The following LRP1B variants were observed in gnomAD, a reference collection of about 807,000 sequenced individuals.
LRP1B encodes the protein low-density lipoprotein receptor-related protein 1B.
Under a neutral mutation model 556.6 loss-of-function variants are expected in LRP1B, and 217 were observed. That is an observed-to-expected ratio of 0.39 (90% CI 0.35 to 0.44). The LOEUF (loss-of-function observed/expected upper bound fraction) is 0.44. Among genes scored for constraint, LRP1B ranks in the 20% least tolerant of loss-of-function variants. The pLI is 1.00. For synonymous variants in LRP1B, 2,047 were observed against 1,865.8 expected, an observed-to-expected ratio of 1.10 and a Z score of -2.50; for missense variants, 5,053 against 5,620.8, an observed-to-expected ratio of 0.90 and a Z score of 3.23.
chr2:140,250,462 G>A (rs1681362620), intron 86 of LRP1B, among the ~76,000 whole-genome samples: 1 of 150,874 alleles, frequency 6.6e-6, no homozygotes, highest in Non-Finnish European at 1.5e-5. Flanking sequence ...ACTGCTCTTA[G>A]CAGTTTCCTG....
At chr2:140,670,146 A>G (rs1240820478) in intron 41 of LRP1B, among the ~76,000 whole-genome samples, 1 of 152,198 alleles carries the variant, frequency 6.6e-6, no homozygotes, top group Non-Finnish European at 1.5e-5. Context: ...AATGCATAAC[A>G]TAGAAACAAG....
At chr2:141,618,239 A>T (rs1422944865) in intron 2 of LRP1B, among the ~76,000 whole-genome samples, 1 of 152,014 alleles carries the variant, frequency 6.6e-6, no homozygotes, top group Non-Finnish European at 1.5e-5. Context: ...ATTGGTGGTG[A>T]CAGTGATTAC....
intron 1 of LRP1B, among the ~76,000 whole-genome samples, chr2:142,047,235 A>G (rs1026251748): frequency 1.3e-5 from 2 of 152,010 alleles, no homozygotes; most frequent in Admixed American, 1.3e-4. Context: ...CTCATGGTAC[A>G]GCCAACACAC....
At chr2:141,199,845 G>C (rs923826442) in intron 6 of LRP1B, among the ~76,000 whole-genome samples, 1 of 152,040 alleles carries the variant, frequency 6.6e-6, no homozygotes, top group Non-Finnish European at 1.5e-5. Flanking sequence ...CTGACCACTG[G>C]AGAAATGCAA....
intron 7 of LRP1B, among the ~76,000 whole-genome samples, chr2:141,114,919 C>A (rs1347546395): frequency 6.6e-6 from 1 of 152,054 alleles, no homozygotes; most frequent in Non-Finnish European, 1.5e-5. Context: ...CATGCCAAAG[C>A]TCTCCTTGAT....
At chr2:141,279,913 T>A (rs144591176) in intron 3 of LRP1B, among the ~76,000 whole-genome samples, 298 of 152,104 alleles carry the variant, frequency 2.0e-3, no homozygotes, top group African/African-American at 6.7e-3. Flanking sequence ...CAATAGAAAA[T>A]CAGTTTCCAT....
intron 41 of LRP1B, among the ~76,000 whole-genome samples, chr2:140,650,081 T>C (rs950256999): frequency 1.3e-5 from 2 of 152,010 alleles, no homozygotes; most frequent in Admixed American, 6.6e-5. Flanking sequence ...ATTCTAAAAG[T>C]AAGCTACACG....
chr2:141,935,365 AGT>A (rs1227242132), intron 1 of LRP1B, among the ~76,000 whole-genome samples: 1 of 152,180 alleles, frequency 6.6e-6, no homozygotes, highest in African/African-American at 2.4e-5. Flanking sequence ...TTATACAGTT[AGT>A]GTTTTAAGTT....
chr2:141,857,198 C>A (rs1248502167), intron 1 of LRP1B, among the ~76,000 whole-genome samples: 1 of 152,062 alleles, frequency 6.6e-6, no homozygotes, highest in African/African-American at 2.4e-5. Context: ...TTCATTATTT[C>A]TTCTTTTTTA....
At chr2:141,173,332 T>C (rs1219738492) in intron 7 of LRP1B, among the ~76,000 whole-genome samples, 1 of 152,108 alleles carries the variant, frequency 6.6e-6, no homozygotes, top group African/African-American at 2.4e-5. Flanking sequence ...CATCCTCACA[T>C]AAACCATCTC....
chr2:141,173,746 AAC>A (rs1680609335), intron 7 of LRP1B, among the ~76,000 whole-genome samples: 2 of 152,006 alleles, frequency 1.3e-5, no homozygotes, highest in South Asian at 4.1e-4. Flanking sequence ...AGAACAGAAA[AAC>A]AGAAAAAAAA....
chr2:140,459,103 C>T (rs1022075627), intron 60 of LRP1B, among the ~76,000 whole-genome samples: 8 of 152,080 alleles, frequency 5.3e-5, no homozygotes, highest in Middle Eastern at 6.8e-3. Context: ...ACTTAATTAT[C>T]GATGTACTCT....
intron 3 of LRP1B, among the ~76,000 whole-genome samples, chr2:141,403,303 C>T (rs1024733291): frequency 6.6e-6 from 1 of 151,928 alleles, no homozygotes; most frequent in African/African-American, 2.4e-5. Flanking sequence ...CTATTTTGTA[C>T]GTTTTAATAG....
intron 41 of LRP1B, among the ~76,000 whole-genome samples, chr2:140,618,869 C>T (rs908727946): frequency 6.6e-6 from 1 of 151,854 alleles, no homozygotes; most frequent in Non-Finnish European, 1.5e-5. Flanking sequence ...AAATGAAAAT[C>T]GAAGAAGGTA....
chr2:141,014,658 C>T (rs74426284), intron 13 of LRP1B, among the ~76,000 whole-genome samples: 5,222 of 152,120 alleles, frequency 0.034, 127 homozygotes, highest in Middle Eastern at 0.068. Flanking sequence ...AATTATCATA[C>T]ATTGAATAAT....
chr2:142,013,153 T>C (rs1703007177), intron 1 of LRP1B, among the ~76,000 whole-genome samples: 2 of 152,198 alleles, frequency 1.3e-5, no homozygotes, highest in Admixed American at 6.5e-5. Flanking sequence ...TCAGTTCATT[T>C]AATTTATATG....
At chr2:141,960,963 T>A (rs539993879) in intron 1 of LRP1B, among the ~76,000 whole-genome samples, 5 of 151,934 alleles carry the variant, frequency 3.3e-5, no homozygotes, top group Middle Eastern at 3.4e-3. Context: ...CAGCTTTTTT[T>A]ATTAAATTTA....
At chr2:141,071,279 G>T (rs1699633444) in intron 7 of LRP1B, among the ~76,000 whole-genome samples, 1 of 150,734 alleles carries the variant, frequency 6.6e-6, no homozygotes, top group Non-Finnish European at 1.5e-5. Flanking sequence ...AATAGATGCA[G>T]AAAAGGCCTT....
intron 17 of LRP1B, among the ~76,000 whole-genome samples, chr2:140,989,008 T>C (rs1328016038): frequency 2.0e-5 from 3 of 152,004 alleles, no homozygotes; most frequent in African/African-American, 7.2e-5. Flanking sequence ...GATTCAAAGA[T>C]CTATTACAAT....
Sources: gnomAD v4.1 joint callset for allele counts (sites outside exome capture counted in the v4.1 genomes callset) on GRCh38, gnomAD v4.1.1 for gene constraint, MANE v1.5 for transcripts, NCBI Gene and HGNC (gene_info 2026-07-23, HGNC 2026-07-21) for gene names.